The following ESD variants were observed in gnomAD, a reference collection of about 807,000 sequenced individuals.
The protein encoded by ESD is esterase D.
Under a neutral mutation model 38.1 loss-of-function variants are expected in ESD, and 34 were observed. The observed-to-expected ratio is 0.89, with a 90% confidence interval of 0.68 to 1.19. ESD has a LOEUF of 1.19. ESD is among the 50% of genes most tolerant of loss of function. ESD has a pLI of 0.00. For missense variants in ESD, 334 were observed against 327.2 expected, an observed-to-expected ratio of 1.02 and a Z score of -0.16; for synonymous variants, 97 against 107.0, an observed-to-expected ratio of 0.91 and a Z score of 0.58.
intron 9 of ESD, chr13:46,776,260 G>GT (rs1874794249): frequency 6.6e-6 from 1 of 152,390 alleles, no homozygotes; most frequent in Admixed American, 6.5e-5. Flanking sequence ...TCATGTATTA[G>GT]TTTTTGACAT....
In ESD at chr13:46,795,970, C is replaced by T. The variant is rs148882625; in HGVS notation, c.-56+1135G>A. Among the ~76,000 whole-genome samples the T allele has an allele frequency of 3.2e-3, 480 of 152,176 alleles. 3 individuals are homozygous for T. The highest frequency in any genetic ancestry group is 0.011 in the African/African-American group (445 of 41,536). On this transcript the variant is annotated intron_variant, in intron 1 of 9. Transcript: ENST00000378720. ...TGCTGCCTAGGCTGGGTCTCTTTTC[C>T]TTCATAAAAATTCACATGGCTTGCC...
rs377256111 is a variant in ESD at position 46,796,656 on chromosome 13, G to C, written c.-56+449C>G. Among the ~76,000 whole-genome samples the C allele has an allele frequency of 2.0e-5, 3 of 152,356 alleles. No homozygotes were observed. The East Asian group carries it at 5.8e-4, about 29-fold the overall frequency. On this transcript the variant is annotated intron_variant, in intron 1 of 9. Coordinates refer to ENST00000378720, the MANE Select transcript of ESD (RefSeq NM_001984.2). ...CGCCATTGGCTCGTGCCCCGACGCG[G>C]ACGCTGCCTAGAGCAGCAGGTCCAC...
At chr13:46,771,554 G>C in intron 9 of ESD, 58 bp from the exon 10 acceptor site, 1 of 1,092,852 alleles carries the variant, frequency 9.2e-7, no homozygotes, top group Non-Finnish European at 1.4e-6. Flanking sequence ...TCAGTATTAG[G>C]AACATTAAAT....
At chr13:46,781,356 C>G in intron 7 of ESD, 140 bp downstream of exon 7, 1 of 616,532 alleles carries the variant, frequency 1.6e-6, no homozygotes, top group East Asian at 3.5e-5. Flanking sequence ...TAAATACCCA[C>G]CCTTCAAACA....
chr13:46,775,495 A>G (rs755238019), intron 9 of ESD: 77 of 370,284 alleles, frequency 2.1e-4, no homozygotes, highest in Admixed American at 2.4e-4. Flanking sequence ...CAGTTATACT[A>G]TACTTGTAAT....
chr13:46,782,256 A>G (rs1478570682), intron 6 of ESD, among the ~76,000 whole-genome samples: 1 of 151,814 alleles, frequency 6.6e-6, no homozygotes, highest in East Asian at 1.9e-4. Context: ...TATGATATAC[A>G]TAGTAACAAT....
chr13:46,780,853 T>C (rs1460955789), intron 7 of ESD, among the ~76,000 whole-genome samples: 3 of 151,736 alleles, frequency 2.0e-5, no homozygotes, highest in South Asian at 2.1e-4. Context: ...AAACCAATTT[T>C]AAGGGCATGA....
intron 8 of ESD, 139 bp from the exon 9 acceptor site, chr13:46,777,762 A>G: frequency 3.4e-6 from 2 of 582,374 alleles, no homozygotes; most frequent in Non-Finnish European, 5.3e-6. Flanking sequence ...AGTTGGTTCA[A>G]AATCTGACTT....
intron 3 of ESD, 31 bp downstream of exon 3, chr13:46,791,315 G>A (rs1566284146): frequency 6.8e-7 from 1 of 1,464,072 alleles, no homozygotes; most frequent in African/African-American, 1.4e-5. Context: ...ACAGAATGAG[G>A]TATCTAAAAT....
In ESD at chr13:46,787,004, A is replaced by T. The variant is rs1316406080; in HGVS notation, c.157+17T>A. On this transcript the variant is annotated intron_variant, in intron 4 of 9. Coordinates refer to ENST00000378720, the MANE Select transcript of ESD (RefSeq NM_001984.2). ...AAATAGAAACGACTTTATAAAACTC[A>T]AATGCATAATACTTACCTGAGAGCC... 7.1e-7 allele frequency: 1 copy of T among 1,413,464 alleles called. No individual in the cohort carries two copies. Among genetic ancestry groups the T allele is most frequent in the Non-Finnish European group, 9.4e-7 (1 of 1,062,714 alleles). The allele number at this position is 1,413,464 out of a possible 1,614,324, so 87.6% of individuals were successfully genotyped here.
intron 9 of ESD, chr13:46,775,609 T>G (rs1260513425): frequency 8.5e-6 from 4 of 470,446 alleles, no homozygotes; most frequent in Non-Finnish European, 1.8e-5. Flanking sequence ...TACTTAGGCA[T>G]GCTCATTCAG....
intron 2 of ESD, among the ~76,000 whole-genome samples, chr13:46,792,011 C>G (rs568519352): frequency 1.3e-5 from 2 of 152,076 alleles, no homozygotes; most frequent in African/African-American, 4.8e-5. Context: ...CCTTTTAAAA[C>G]AAACCAATAA....
intron 4 of ESD, among the ~76,000 whole-genome samples, chr13:46,786,000 G>A (rs1368754253): frequency 1.3e-5 from 2 of 151,910 alleles, no homozygotes; most frequent in East Asian, 3.9e-4. Flanking sequence ...TGTGACCCTG[G>A]ACAATATTTA....
intron 3 of ESD, 36 bp from the exon 4 acceptor site, chr13:46,787,145 C>G (rs1233030452): frequency 8.3e-7 from 1 of 1,209,408 alleles, no homozygotes; most frequent in South Asian, 1.4e-5. Context: ...AATATTAATG[C>G]CCCTCATTAA....
Position 46,782,178 on chromosome 13 carries a change from CAT to C in ESD, c.381+487_381+488del, listed in dbSNP as rs541634290. Among the ~76,000 whole-genome samples the C allele has an allele frequency of 2.1e-3, 318 of 151,606 alleles. 2 individuals carry two copies. Among genetic ancestry groups the C allele is most frequent in the African/African-American group, 6.9e-3 (284 of 41,420 alleles). On this transcript the variant is annotated intron_variant, in intron 6 of 9. Transcript: ENST00000378720. Reference sequence around the variant, plus strand: ...AGAAACAGTCTGGAACATACCAAAACATAAGTGTTTTGGGGGGGTAACAGAAT... The same window carrying C: ...AGAAACAGTCTGGAACATACCAAAACAAGTGTTTTGGGGGGGTAACAGAAT...
At chr13:46,787,256 A>C (rs985248156) in intron 3 of ESD, 147 bp from the exon 4 acceptor site, 3 of 477,980 alleles carry the variant, frequency 6.3e-6, no homozygotes, top group Non-Finnish European at 1.1e-5. Context: ...GGTTCCACTA[A>C]CATTTAACGA....
At position 46,784,265 on chromosome 13, in the gene ESD, T is replaced by C; in HGVS notation, c.243A>G (p.Pro81=). Residue 81 remains proline, a synonymous_variant, in exon 5 of 10, where the codon CCA becomes CCG. Coordinates refer to ENST00000378720, the MANE Select transcript of ESD (RefSeq NM_001984.2). ...ASEHGLVVIA[P]DTSPRGCNIK... ...ACAAACACTTACGAGGGCTGGTATC[T>C]GGAGCAATGACAACAAGACCATGTT... is the stretch of plus-strand genomic sequence containing the variant. The C allele has an allele frequency of 6.2e-7, 1 of 1,611,566 alleles. No individual in the cohort carries two copies. Among genetic ancestry groups the C allele is most frequent in the African/African-American group, 1.3e-5 (1 of 74,926 alleles).
intron 8 of ESD, among the ~76,000 whole-genome samples, chr13:46,778,667 C>G (rs967877692): frequency 4.0e-5 from 6 of 151,736 alleles, no homozygotes; most frequent in Non-Finnish European, 8.9e-5. Context: ...TCACCATTTT[C>G]GTGACAAAAC....
In ESD at chr13:46,774,093, A is replaced by G. The variant is rs190968029; in HGVS notation, c.769-2597T>C. Among the ~76,000 whole-genome samples the G allele has an allele frequency of 4.1e-4, 63 of 152,290 alleles. 1 individual carries two copies. The highest frequency in any genetic ancestry group is 7.1e-4 in the Non-Finnish European group (48 of 67,998). ...TGACCAAGTTCCAATGTGACTGAGT[A>G]TGCCATATTTTTATCCTTAGTTTCT... On this transcript the variant is annotated intron_variant, in intron 9 of 9. Coordinates refer to ENST00000378720, the MANE Select transcript of ESD (RefSeq NM_001984.2).
Sources: allele counts gnomAD v4.1 joint callset (sites outside exome capture counted in the v4.1 genomes callset), GRCh38; gene constraint gnomAD v4.1.1; transcripts MANE v1.5; gene names NCBI Gene and HGNC (gene_info 2026-07-23, HGNC 2026-07-21).